Variants in LMX1A observed in about 807,000 individuals in gnomAD.
LMX1A encodes the protein LIM homeobox transcription factor 1-alpha.
In LMX1A, 15 loss-of-function variants were observed where a neutral mutation model predicts 49.1. The observed-to-expected ratio is 0.31, with a 90% CI of 0.20 to 0.47. LMX1A has a LOEUF of 0.47. Among genes scored for constraint, LMX1A ranks in the 20% least tolerant of loss-of-function variants. LMX1A has a pLI of 1.00. For missense variants in LMX1A, 372 were observed against 475.8 expected (o/e 0.78, Z 2.03); for synonymous variants, 167 against 185.7 (o/e 0.90, Z 0.82).
intron 3 of LMX1A, among the ~76,000 whole-genome samples, chr1:165,269,593 GC>G (rs748437630): frequency 1.3e-5 from 2 of 152,182 alleles, no homozygotes; most frequent in Non-Finnish European, 2.9e-5. Context: ...ATACATGCAT[GC>G]CTATGTTCAT....
intron 3 of LMX1A, among the ~76,000 whole-genome samples, chr1:165,255,893 A>AAC (rs1653218698): frequency 6.6e-6 from 1 of 152,106 alleles, no homozygotes; most frequent in African/African-American, 2.4e-5. Flanking sequence ...GAATCGCTTG[A>AAC]ACGCGGGAGG....
intron 3 of LMX1A, among the ~76,000 whole-genome samples, chr1:165,266,513 C>T (rs1653622038): frequency 6.6e-6 from 1 of 150,714 alleles, no homozygotes; most frequent in Admixed American, 6.6e-5. Flanking sequence ...AGGAGTTCAA[C>T]TTTTCCTCTG....
intron 3 of LMX1A, among the ~76,000 whole-genome samples, chr1:165,314,827 A>G (rs1418970316): frequency 6.6e-6 from 1 of 152,150 alleles, no homozygotes; most frequent in East Asian, 1.9e-4. Context: ...TAATTATTAG[A>G]ATTATCTGAG....
chr1:165,246,889 A>G (rs1652868544), intron 4 of LMX1A, among the ~76,000 whole-genome samples: 1 of 109,566 alleles, frequency 9.1e-6, no homozygotes, highest in South Asian at 2.4e-4. Context: ...ATGAATGAAT[A>G]AACTGGAAAG....
At chr1:165,282,811 T>G (rs958246429) in intron 3 of LMX1A, among the ~76,000 whole-genome samples, 2 of 152,172 alleles carry the variant, frequency 1.3e-5, no homozygotes, top group African/African-American at 4.8e-5. Flanking sequence ...TCTCACTATC[T>G]CCACTGCTAC....
At chr1:165,278,977 A>C (rs1654053128) in intron 3 of LMX1A, among the ~76,000 whole-genome samples, 2 of 152,220 alleles carry the variant, frequency 1.3e-5, no homozygotes, top group Non-Finnish European at 2.9e-5. Context: ...GGCACCAGGA[A>C]AGAGCTACTC....
intron 3 of LMX1A, among the ~76,000 whole-genome samples, chr1:165,332,467 T>C (rs1655776696): frequency 1.3e-5 from 2 of 152,210 alleles, no homozygotes; most frequent in Admixed American, 6.5e-5. Flanking sequence ...TTACACTATA[T>C]ATAACATATG....
chr1:165,343,053 G>A (rs1167224007), intron 3 of LMX1A, among the ~76,000 whole-genome samples: 1 of 152,296 alleles, frequency 6.6e-6, no homozygotes, highest in Non-Finnish European at 1.5e-5. Context: ...AGGATCAATA[G>A]AGATAATATA....
At chr1:165,334,661 C>A (rs934171644) in intron 3 of LMX1A, among the ~76,000 whole-genome samples, 2 of 147,050 alleles carry the variant, frequency 1.4e-5, no homozygotes, top group Non-Finnish European at 3.0e-5. Flanking sequence ...AAATTAAATT[C>A]TTTTTATGCT....
intron 2 of LMX1A, among the ~76,000 whole-genome samples, chr1:165,354,480 G>T (rs954714290): frequency 6.6e-6 from 1 of 152,198 alleles, no homozygotes; most frequent in African/African-American, 2.4e-5. Flanking sequence ...CCCGGGTACT[G>T]CCTGCTCTGG....
intron 4 of LMX1A, among the ~76,000 whole-genome samples, chr1:165,227,381 CA>C (rs1652072159): frequency 6.6e-6 from 1 of 151,902 alleles, no homozygotes; most frequent in Non-Finnish European, 1.5e-5. Flanking sequence ...CTACTAAAAA[CA>C]ATACAAAAAT....
At chr1:165,232,093 G>C (rs970818959) in intron 4 of LMX1A, among the ~76,000 whole-genome samples, 1 of 152,206 alleles carries the variant, frequency 6.6e-6, no homozygotes, top group African/African-American at 2.4e-5. Flanking sequence ...GAAGTACCGG[G>C]TTGGAGATTA....
At chr1:165,300,337 T>C (rs1654743843) in intron 3 of LMX1A, among the ~76,000 whole-genome samples, 1 of 152,192 alleles carries the variant, frequency 6.6e-6, no homozygotes, top group Non-Finnish European at 1.5e-5. Context: ...ATCTCTAATG[T>C]TCACTTGGAT....
intron 3 of LMX1A, among the ~76,000 whole-genome samples, chr1:165,292,845 G>A (rs1245733827): frequency 2.0e-5 from 3 of 152,122 alleles, no homozygotes; most frequent in Non-Finnish European, 4.4e-5. Context: ...GGGTCCAGGC[G>A]CGGTGGCTCA....
chr1:165,280,542 C>A (rs1277748137), intron 3 of LMX1A, among the ~76,000 whole-genome samples: 1 of 152,130 alleles, frequency 6.6e-6, no homozygotes, highest in Non-Finnish European at 1.5e-5. Flanking sequence ...TCTACAGTCC[C>A]AAAAATTCAA....
At chr1:165,210,616 C>T (rs1295974970) in intron 6 of LMX1A, 83 bp downstream of exon 6, 3 of 983,274 alleles carry the variant, frequency 3.1e-6, no homozygotes, top group South Asian at 1.6e-5. Context: ...GGCGAGAAAA[C>T]CTGGCAGCAA....
chr1:165,318,596 C>T (rs1655288400), intron 3 of LMX1A, among the ~76,000 whole-genome samples: 1 of 152,166 alleles, frequency 6.6e-6, no homozygotes, highest in African/African-American at 2.4e-5. Context: ...AAGAGCTGCC[C>T]ATTTGACTCA....
At chr1:165,223,739 G>A (rs10800076) in intron 4 of LMX1A, among the ~76,000 whole-genome samples, 1 of 150,758 alleles carries the variant, frequency 6.6e-6, no homozygotes, top group Admixed American at 6.6e-5. Context: ...AGACAATTTT[G>A]TATGTTGTCT....
At position 165,304,228 on chromosome 1, in the gene LMX1A, T is replaced by A. The variant is rs183694432; in HGVS notation, c.263+48848A>T. 2.6e-5 allele frequency among the ~76,000 whole-genome samples: 4 copies of A among 152,214 alleles called. No homozygotes were observed. In the East Asian group the frequency reaches 7.7e-4, roughly 29 times the overall value. On this transcript the variant is annotated intron_variant, in intron 3 of 8. Transcript: ENST00000342310. ...CAATAATAGAGCCCATCTCATGGGA[T>A]CAGAAAGCCCATGGTATGTGCCTGG...
Sources: gnomAD v4.1 joint callset for allele counts (sites outside exome capture counted in the v4.1 genomes callset) on GRCh38, gnomAD v4.1.1 for gene constraint, MANE v1.5 for transcripts, NCBI Gene and HGNC (gene_info 2026-07-23, HGNC 2026-07-21) for gene names.